Variants in RANBP2 observed in about 807,000 individuals in gnomAD.
The protein encoded by RANBP2 is E3 SUMO-protein ligase RanBP2.
Under a neutral mutation model 303.6 loss-of-function variants are expected in RANBP2, and 57 were observed. That is an observed-to-expected ratio of 0.19 (90% confidence interval 0.15 to 0.23). The LOEUF (loss-of-function observed/expected upper bound fraction) is 0.23, where lower values mean the gene tolerates loss of function less well. RANBP2 is among the 10% of genes least tolerant of loss of function. The probability of loss-of-function intolerance (pLI) is 1.00; values close to 1 mark genes in which losing one functional copy is unlikely to be tolerated. For missense variants in RANBP2, 3,138 were observed against 3,780.8 expected (o/e 0.83, Z 4.46); for synonymous variants, 1,167 against 1,301.5 (o/e 0.90, Z 2.23).
intron 5 of RANBP2, 118 bp downstream of exon 5, chr2:108,735,880 TATAAAA>T (rs1395265643): frequency 6.4e-7 from 1 of 1,561,440 alleles, no homozygotes; most frequent in East Asian, 2.2e-5. Context: ...GTAGAACAGT[TATAAAA>T]TGAAATTTTT....
the RANBP2 span, among the ~76,000 whole-genome samples, chr2:109,365,009 A>G: frequency 6.6e-6 from 1 of 152,122 alleles, no homozygotes; most frequent in Non-Finnish European, 1.5e-5. Flanking sequence ...AAGGATCGTG[A>G]GACTCTGTCT....
At chr2:109,546,141 A>C in the RANBP2 span, 5 of 1,610,444 alleles carry the variant, frequency 3.1e-6, no homozygotes, top group African/African-American at 5.4e-5. Flanking sequence ...TTTTTAGAGA[A>C]AGCAATTATT....
the RANBP2 span, among the ~76,000 whole-genome samples, chr2:109,400,678 A>G: frequency 8.4e-6 from 1 of 119,202 alleles, no homozygotes. Flanking sequence ...GCACACACAC[A>G]TTGGTGGATA....
At chr2:109,066,957 A>AT in the RANBP2 span, among the ~76,000 whole-genome samples, 1 of 152,240 alleles carries the variant, frequency 6.6e-6, no homozygotes, top group Non-Finnish European at 1.5e-5. Flanking sequence ...TTGATACTCC[A>AT]TTTTTTGTAA....
At chr2:108,806,011 C>T in the RANBP2 span, among the ~76,000 whole-genome samples, 1 of 80,010 alleles carries the variant, frequency 1.2e-5, no homozygotes, top group African/African-American at 2.8e-5. Flanking sequence ...CTCAGACTCT[C>T]CTAGAGTTCC....
At chr2:109,076,561 A>G in the RANBP2 span, among the ~76,000 whole-genome samples, 7 of 150,852 alleles carry the variant, frequency 4.6e-5, no homozygotes, top group Middle Eastern at 3.4e-3. Flanking sequence ...TTTTTAAGAT[A>G]CAAAATCAAT....
chr2:109,416,555 T>G, the RANBP2 span, among the ~76,000 whole-genome samples: 1 of 151,976 alleles, frequency 6.6e-6, no homozygotes, highest in Non-Finnish European at 1.5e-5. Flanking sequence ...TGGCTAATTT[T>G]TGTATTTTTA....
chr2:109,419,830 A>C, the RANBP2 span, among the ~76,000 whole-genome samples: 1 of 152,318 alleles, frequency 6.6e-6, no homozygotes, highest in Non-Finnish European at 1.5e-5. Context: ...GTTCCTTCTG[A>C]TGTCGTTGTT....
chr2:108,888,568 C>T, the RANBP2 span, among the ~76,000 whole-genome samples: 1 of 151,862 alleles, frequency 6.6e-6, no homozygotes, highest in South Asian at 2.1e-4. Flanking sequence ...GGAATTTATC[C>T]ATTTTCTCTG....
At chr2:109,169,502 C>T in the RANBP2 span, among the ~76,000 whole-genome samples, 63 of 152,190 alleles carry the variant, frequency 4.1e-4, no homozygotes, top group African/African-American at 1.5e-3. Context: ...TATCTCTGCT[C>T]TGTGCTCTCT....
At chr2:108,856,907 A>T in the RANBP2 span, 1 of 1,613,390 alleles carries the variant, frequency 6.2e-7, no homozygotes, top group Non-Finnish European at 8.5e-7. Context: ...TCATCTAAGA[A>T]TATCCAGTAA....
the RANBP2 span, among the ~76,000 whole-genome samples, chr2:108,846,327 T>C: frequency 6.6e-6 from 1 of 152,334 alleles, no homozygotes; most frequent in South Asian, 2.1e-4. Flanking sequence ...TATTTTCAAC[T>C]TTAAATTAGC....
the RANBP2 span, among the ~76,000 whole-genome samples, chr2:109,408,743 A>G: frequency 6.6e-6 from 1 of 152,266 alleles, no homozygotes; most frequent in African/African-American, 2.4e-5. Flanking sequence ...CACCGCCTGT[A>G]AAGGAGGCAC....
At chr2:109,628,195 T>A in the RANBP2 span, among the ~76,000 whole-genome samples, 1 of 152,042 alleles carries the variant, frequency 6.6e-6, no homozygotes, top group Non-Finnish European at 1.5e-5. Context: ...AAAATCACAT[T>A]TAAAAAGATA....
intron 25 of RANBP2, among the ~76,000 whole-genome samples, chr2:108,780,907 C>G (rs1678211975): frequency 6.6e-6 from 1 of 152,068 alleles, no homozygotes; most frequent in Admixed American, 6.6e-5. Flanking sequence ...CGGGGTTTCT[C>G]CATGTTGGTC....
the RANBP2 span, among the ~76,000 whole-genome samples, chr2:109,447,147 T>TAAAAAAAAAAAAAAAA: frequency 1.2e-4 from 10 of 82,674 alleles, no homozygotes; most frequent in East Asian, 6.3e-4. Flanking sequence ...CCTGAATATT[T>TAAAAAAAAAAAAAAAA]AAAAAAAAAA....
At chr2:108,930,025 C>A in the RANBP2 span, 1 of 1,441,292 alleles carries the variant, frequency 6.9e-7, no homozygotes, top group Non-Finnish European at 9.4e-7. Context: ...ACCCTGGCAT[C>A]CCCTCACACA....
the RANBP2 span, among the ~76,000 whole-genome samples, chr2:109,347,069 G>A: frequency 1.3e-5 from 2 of 152,182 alleles, no homozygotes; most frequent in East Asian, 3.9e-4. Context: ...TCAGCACGAC[G>A]GATGCCATGC....
At chr2:108,773,071 C>T in intron 23 of RANBP2, 25 bp downstream of exon 23, 2 of 1,588,866 alleles carry the variant, frequency 1.3e-6, no homozygotes, top group Non-Finnish European at 8.6e-7. Flanking sequence ...AATAAATTTT[C>T]CTTCTAGTTC....
Sources: allele counts gnomAD v4.1 joint callset (sites outside exome capture counted in the v4.1 genomes callset), GRCh38; gene constraint gnomAD v4.1.1; transcripts MANE v1.5; gene names NCBI Gene and HGNC (gene_info 2026-07-23, HGNC 2026-07-21).